The following JKAMP variants were observed in gnomAD, a reference collection of about 807,000 sequenced individuals.
JKAMP encodes the protein JNK1/MAPK8 associated membrane protein, also known as JNK1/MAPK8-associated membrane protein.
Under a neutral mutation model 40.2 loss-of-function variants are expected in JKAMP, and 20 were observed. That is an observed-to-expected ratio of 0.50 (90% CI 0.35 to 0.72). JKAMP has a LOEUF of 0.72. Among genes scored for constraint, JKAMP ranks in the 30% least tolerant of loss-of-function variants. The pLI is 0.01. For synonymous variants in JKAMP, 138 were observed against 131.6 expected, an observed-to-expected ratio of 1.05 and a Z score of -0.33; for missense variants, 276 against 373.0, an observed-to-expected ratio of 0.74 and a Z score of 2.14.
intron 4 of JKAMP, among the ~76,000 whole-genome samples, chr14:59,498,227 T>C (rs1295152808): frequency 2.0e-5 from 3 of 152,354 alleles, no homozygotes; most frequent in Admixed American, 6.5e-5. Flanking sequence ...CATGCTATCT[T>C]GTAAGTTGTT....
intron 4 of JKAMP, among the ~76,000 whole-genome samples, chr14:59,497,206 C>G (rs1163059548): frequency 1.3e-5 from 2 of 152,048 alleles, no homozygotes; most frequent in African/African-American, 4.8e-5. Context: ...ATGTAAGCTT[C>G]TATCATTATA....
chr14:59,487,753 T>A lies in JKAMP; in HGVS notation c.176T>A (p.Leu59His), dbSNP rs1407131414. Reference sequence around the variant, plus strand: ...GAATCTCCTGAACTTTATGATTGGCTCTATCTTGGATTTATGGCAATGCTT... The same window carrying A: ...GAATCTCCTGAACTTTATGATTGGCACTATCTTGGATTTATGGCAATGCTT... The part of the protein sequence containing the change: ...CTESPELYDW[L>H]YLGFMAMLPL... Residue 59 changes from leucine (L) to histidine (H), a missense_variant, in exon 3 of 7, where the codon CTC (leucine) becomes CAC (histidine). Physicochemically the swap from Leu to His is moderately conservative, Grantham distance 99. Transcript: ENST00000616435. 1 of 1,613,176 alleles carries A rather than the reference T, an allele frequency of 6.2e-7. No individual in the cohort carries two copies. Among genetic ancestry groups the A allele is most frequent in the East Asian group, 2.2e-5 (1 of 44,798 alleles).
chr14:59,486,681 A>C (rs1458348250), intron 1 of JKAMP, 32 bp from the exon 2 acceptor site: 2 of 1,395,502 alleles, frequency 1.4e-6, no homozygotes, highest in East Asian at 4.8e-5. Flanking sequence ...ATCACAAAAG[A>C]TGTTACTATA....
At chr14:59,490,865 A>C (rs916215679) in intron 3 of JKAMP, among the ~76,000 whole-genome samples, 2 of 152,236 alleles carry the variant, frequency 1.3e-5, no homozygotes, top group African/African-American at 4.8e-5. Flanking sequence ...TAACAGGCAT[A>C]GGTATGTCTT....
Position 59,505,032 on chromosome 14 carries a change from T to G in JKAMP, c.*960T>G, listed in dbSNP as rs1892246559. On this transcript the variant is annotated 3_prime_UTR_variant, in exon 7 of 7. Coordinates refer to ENST00000616435, the MANE Select transcript of JKAMP (RefSeq NM_016475.5). Reference sequence around the variant, plus strand: ...TGCAACCATGGAAGCAAAATGAAATTTTTAGCTCTTAACCTAACAACCTGA... The same window carrying G: ...TGCAACCATGGAAGCAAAATGAAATGTTTAGCTCTTAACCTAACAACCTGA... 2.8e-6 allele frequency: 1 copy of G among 362,860 alleles called. No individual in the cohort carries two copies. Among genetic ancestry groups the G allele is most frequent in the Admixed American group, 4.3e-5 (1 of 23,114 alleles). 22.5% of individuals were successfully genotyped at this position (362,860 alleles called of 1,614,324 possible).
Position 59,505,327 on chromosome 14 carries a change from A to AAAAAT in JKAMP, c.*1259_*1263dup, listed in dbSNP as rs1892278465. The AAAAAT allele has an allele frequency of 7.1e-7, 1 of 1,412,268 alleles. No homozygotes were observed. Among genetic ancestry groups the AAAAAT allele is most frequent in the African/African-American group, 1.4e-5 (1 of 69,472 alleles). The allele number at this position is 1,412,268 out of a possible 1,614,324, so 87.5% of individuals were successfully genotyped here. A position where few individuals can be genotyped will look rare whatever the true frequency, so the allele number is the denominator to read the frequency against. On this transcript the variant is annotated 3_prime_UTR_variant, in exon 7 of 7. Coordinates refer to ENST00000616435, the MANE Select transcript of JKAMP (RefSeq NM_016475.5). Reference sequence around the variant, plus strand: ...GTGTTTCTTCTTCTCTGTAGGAATAAAAAATAAATATAAAAATTTTATTTG... The same window carrying AAAAAT: ...GTGTTTCTTCTTCTCTGTAGGAATAAAAAATAAAATAAATATAAAAATTTTATTTG...
chr14:59,485,293 T>C (rs775333489), intron 1 of JKAMP, among the ~76,000 whole-genome samples: 1 of 152,208 alleles, frequency 6.6e-6, no homozygotes, highest in Non-Finnish European at 1.5e-5. Context: ...ACCTGAAATA[T>C]TCATTTTCAT....
In JKAMP at chr14:59,504,107, T is replaced by G. The variant is rs751749756; in HGVS notation, c.*35T>G. The G allele has an allele frequency of 5.4e-6, 7 of 1,295,442 alleles. No homozygotes were observed. The African/African-American group carries it at 8.8e-5, about 16-fold the overall frequency. 80.2% of individuals were successfully genotyped at this position (1,295,442 alleles called of 1,614,324 possible). On this transcript the variant is annotated 3_prime_UTR_variant, in exon 7 of 7. Transcript: ENST00000616435. Reference sequence around the variant, plus strand: ...TGTGAAATGCCAAAAACCTGAGAAGTGCTCCTAATAAAAAAGTAAATCAAT... The same window carrying G: ...TGTGAAATGCCAAAAACCTGAGAAGGGCTCCTAATAAAAAAGTAAATCAAT...
At position 59,504,938 on chromosome 14, in the gene JKAMP, G is replaced by C. The variant is rs1892237300; in HGVS notation, c.*866G>C. The C allele has an allele frequency of 9.6e-6, 2 of 208,834 alleles. No homozygotes were observed. The highest frequency in any genetic ancestry group is 1.1e-4 in the Admixed American group (2 of 17,856). The allele number at this position is 208,834 out of a possible 1,614,324, so 12.9% of individuals were successfully genotyped here. A position where few individuals can be genotyped will look rare whatever the true frequency, so the allele number is the denominator to read the frequency against. On this transcript the variant is annotated 3_prime_UTR_variant, in exon 7 of 7. Coordinates refer to ENST00000616435, the MANE Select transcript of JKAMP (RefSeq NM_016475.5). ...TACACAGAATAAAAAGGGTTTTCCT[G>C]TGGTTGGTTTGTGGTTTGTGATAGG...
At chr14:59,494,886 A>C (rs1469283460) in intron 3 of JKAMP, 132 bp from the exon 4 acceptor site, 1 of 637,824 alleles carries the variant, frequency 1.6e-6, no homozygotes, top group African/African-American at 1.8e-5. Flanking sequence ...TGAGAAAAAA[A>C]GGTTATACTC....
At chr14:59,493,832 C>A (rs555082208) in intron 3 of JKAMP, among the ~76,000 whole-genome samples, 94 of 152,246 alleles carry the variant, frequency 6.2e-4, no homozygotes, top group African/African-American at 2.1e-3. Context: ...TCATATTATT[C>A]TTCTGGCTCA....
At chr14:59,487,864 A>G (rs764187213) in intron 3 of JKAMP, 36 bp downstream of exon 3, 3 of 1,580,418 alleles carry the variant, frequency 1.9e-6, no homozygotes, top group Non-Finnish European at 2.6e-6. Flanking sequence ...TGGCTGGACT[A>G]ATGTTGGAAT....
chr14:59,491,735 A>G (rs780829846), intron 3 of JKAMP, among the ~76,000 whole-genome samples: 1 of 152,206 alleles, frequency 6.6e-6, no homozygotes, highest in Non-Finnish European at 1.5e-5. Context: ...TTCTCTTTCA[A>G]AACACAAACC....
In JKAMP at chr14:59,499,282, T is replaced by C. The variant is rs541392228; in HGVS notation, c.640+374T>C. 2.0e-5 allele frequency among the ~76,000 whole-genome samples: 3 copies of C among 152,134 alleles called. No individual in the cohort carries two copies. In the South Asian group the frequency reaches 6.2e-4, roughly 32 times the overall value. Reference sequence around the variant, plus strand: ...ACCTCATGATCTGCCCACCTCTCTTTGCATTTGAAGTTCATGACGAAATTA... The same window carrying C: ...ACCTCATGATCTGCCCACCTCTCTTCGCATTTGAAGTTCATGACGAAATTA... On this transcript the variant is annotated intron_variant, in intron 5 of 6. Coordinates refer to ENST00000616435, the MANE Select transcript of JKAMP (RefSeq NM_016475.5).
intron 1 of JKAMP, 57 bp from the exon 2 acceptor site, chr14:59,486,656 C>A: frequency 8.3e-7 from 1 of 1,209,016 alleles, no homozygotes. Context: ...GCTATTATTG[C>A]AATTATTTTT....
At chr14:59,499,508 A>G (rs1891713470) in intron 5 of JKAMP, among the ~76,000 whole-genome samples, 1 of 152,222 alleles carries the variant, frequency 6.6e-6, no homozygotes, top group Non-Finnish European at 1.5e-5. Context: ...TCATTTGTTT[A>G]GTAACCATTT....
At chr14:59,495,965 G>A (rs112554866) in intron 4 of JKAMP, among the ~76,000 whole-genome samples, 3 of 152,154 alleles carry the variant, frequency 2.0e-5, no homozygotes, top group African/African-American at 7.2e-5. Flanking sequence ...GCAGTGGCAC[G>A]AGATCTCAGC....
At chr14:59,485,244 C>A in intron 1 of JKAMP, 2 of 932,072 alleles carry the variant, frequency 2.1e-6, no homozygotes, top group Non-Finnish European at 1.6e-6. Flanking sequence ...AAAGCCCATA[C>A]AGAAGTTTCC....
At chr14:59,500,811 T>C (rs28458897) in intron 5 of JKAMP, 2 of 156,100 alleles carry the variant, frequency 1.3e-5, no homozygotes, top group Non-Finnish European at 2.8e-5. Context: ...CCAAGGATAG[T>C]TTTTACAATT....
Sources: allele counts gnomAD v4.1 joint callset (sites outside exome capture counted in the v4.1 genomes callset), GRCh38; gene constraint gnomAD v4.1.1; transcripts MANE v1.5; gene names NCBI Gene and HGNC (gene_info 2026-07-23, HGNC 2026-07-21).